The following FARP1 variants were observed in gnomAD, a reference collection of about 807,000 sequenced individuals.
FARP1 encodes the protein FERM, ARH/RhoGEF and pleckstrin domain protein 1, also known as FERM, ARHGEF and pleckstrin domain-containing protein 1.
A neutral mutation model predicts 128.8 loss-of-function variants in FARP1; 52 were observed. The ratio of observed to expected loss-of-function variants is 0.40; its 90% CI spans 0.32 to 0.51. The LOEUF is 0.51. Ranked by LOEUF, FARP1 falls within the 20% of genes least tolerant of loss-of-function variation. The pLI, the probability that FARP1 is intolerant of heterozygous loss-of-function variation, is 0.45. For missense variants in FARP1, 1,333 were observed against 1,367.9 expected (o/e 0.97, Z 0.40); for synonymous variants, 580 against 551.8 (o/e 1.05, Z -0.72).
At chr13:98,170,951 AT>A (rs78589334) in intron 1 of FARP1, among the ~76,000 whole-genome samples, 13,773 of 152,060 alleles carry the variant, frequency 0.091, 803 homozygotes, top group African/African-American at 0.15. Context: ...TCAATTGTTG[AT>A]TTTTCTTTAA....
At chr13:98,267,920 C>T (rs1387576119) in intron 2 of FARP1, among the ~76,000 whole-genome samples, 1 of 148,298 alleles carries the variant, frequency 6.7e-6, no homozygotes, top group Non-Finnish European at 1.5e-5. Flanking sequence ...AGCTTCAAGG[C>T]CAGACACGGA....
At chr13:98,197,784 G>A (rs1879664706) in intron 1 of FARP1, among the ~76,000 whole-genome samples, 2 of 151,710 alleles carry the variant, frequency 1.3e-5, no homozygotes, top group South Asian at 2.1e-4. Flanking sequence ...ACAGGCACCC[G>A]CCACCACGCC....
In FARP1 at chr13:98,389,978, G is replaced by C. The variant is rs2140054481; in HGVS notation, c.877G>C (p.Glu293Gln). Reference protein sequence around the residue: ...DANSAYQDTLEFLMASRDFCK... With the variant: ...DANSAYQDTLQFLMASRDFCK... ...TTAGAGTGCGTACCAGGATACCTTG[G>C]AATTCCTGATGGCCAGTCGGGATTT... is the stretch of plus-strand genomic sequence containing the variant. The change falls in exon 10 of 27, where the codon GAA (glutamate) becomes CAA (glutamine). Residue 293 changes from glutamate (E) to glutamine (Q), a missense_variant. Physicochemically the swap from Glu to Gln is conservative, Grantham distance 29 (BLOSUM62 2). Around this residue, in one of 2 missense-constraint regions of FARP1, gnomAD observed 324 missense variants for 398.1 expected, o/e 0.81. Coordinates refer to ENST00000319562, the MANE Select transcript of FARP1 (RefSeq NM_005766.4). 1 of 1,614,126 alleles carries C rather than the reference G, an allele frequency of 6.2e-7. No homozygotes were observed. Among genetic ancestry groups the C allele is most frequent in the Non-Finnish European group, 8.5e-7 (1 of 1,180,038 alleles).
At position 98,366,552 on chromosome 13, in the gene FARP1, G is replaced by T. The variant is rs907458585; in HGVS notation, c.319+1115G>T. Among the ~76,000 whole-genome samples the T allele has an allele frequency of 2.0e-5, 3 of 152,192 alleles. No homozygotes were observed. In the South Asian group the frequency reaches 6.2e-4, roughly 32 times the overall value. On this transcript the variant is annotated intron_variant, in intron 4 of 26. Transcript: ENST00000319562. ...CTAACAGTGGCAAGGTATATCTTTG[G>T]CGCAGACCTGAAGACAGAGTTGACT...
intron 2 of FARP1, among the ~76,000 whole-genome samples, chr13:98,220,115 G>A (rs972005005): frequency 1.4e-4 from 21 of 151,970 alleles, no homozygotes; most frequent in African/African-American, 5.1e-4. Flanking sequence ...GAGGGGGCGG[G>A]GTCTATCTCT....
chr13:98,176,634 C>T lies in FARP1; in HGVS notation c.-24+33142C>T. ...TGTCCCCGAAGCCACAGAAGCCAGT[C>T]TCCTTGTAGTCCTTGCAGATGTCAG... On this transcript the variant is annotated intron_variant, in intron 1 of 26. Transcript: ENST00000319562. This position sits in a 1 kb window ranked among gnomAD's most constrained non-coding sequence, Gnocchi z 6.2. The T allele has an allele frequency of 1.2e-6, 2 of 1,614,244 alleles. No homozygotes were observed. Among genetic ancestry groups the T allele is most frequent in the Non-Finnish European group, 1.7e-6 (2 of 1,180,050 alleles).
chr13:98,218,931 G>A (rs1313099384), intron 2 of FARP1, among the ~76,000 whole-genome samples: 1 of 152,176 alleles, frequency 6.6e-6, no homozygotes, highest in Non-Finnish European at 1.5e-5. Flanking sequence ...AGACCACGTA[G>A]GTTCTTTTCT....
At chr13:98,321,581 T>A (rs560307554) in intron 2 of FARP1, among the ~76,000 whole-genome samples, 1 of 152,312 alleles carries the variant, frequency 6.6e-6, no homozygotes, top group South Asian at 2.1e-4. Flanking sequence ...GATGACCTGA[T>A]GCCATTGCAG....
intron 17 of FARP1, among the ~76,000 whole-genome samples, chr13:98,427,958 G>A (rs1360616303): frequency 6.6e-6 from 1 of 152,118 alleles, no homozygotes; most frequent in Non-Finnish European, 1.5e-5. Context: ...AAGCATGGAG[G>A]GGCACAGCAG....
chr13:98,357,028 A>G (rs1888673081), intron 3 of FARP1, among the ~76,000 whole-genome samples: 1 of 152,078 alleles, frequency 6.6e-6, no homozygotes. Context: ...TTAAATTATT[A>G]TTTTTTAGTA....
rs374655321 is a variant in FARP1 at position 98,304,220 on chromosome 13, A to AT, written c.172-39541dup. Among the ~76,000 whole-genome samples the AT allele has an allele frequency of 4.5e-3, 690 of 152,210 alleles. 5 individuals carry two copies. Among genetic ancestry groups the AT allele is most frequent in the African/African-American group, 0.015 (640 of 41,554 alleles). ...GGGTCTGCTGCTCTGCCAGACCTGCATATGGAAGCCAGTGAAATTACTGGG... is the reference window on the plus strand; with the variant it reads ...GGGTCTGCTGCTCTGCCAGACCTGCATTATGGAAGCCAGTGAAATTACTGGG... On this transcript the variant is annotated intron_variant, in intron 2 of 26. Coordinates refer to ENST00000319562, the MANE Select transcript of FARP1 (RefSeq NM_005766.4).
chr13:98,180,169 G>A (rs1878405188), intron 1 of FARP1, among the ~76,000 whole-genome samples: 1 of 152,154 alleles, frequency 6.6e-6, no homozygotes, highest in South Asian at 2.1e-4. Flanking sequence ...GGCTGTACAA[G>A]CAGCATGGCG....
intron 1 of FARP1, among the ~76,000 whole-genome samples, chr13:98,153,299 T>TATTTATATATAAAATATATATAA (rs1382783207): frequency 1.8e-5 from 1 of 56,152 alleles, no homozygotes; most frequent in African/African-American, 5.6e-5. Flanking sequence ...TATATATAAA[T>TATTTATATATAAAATATATATAA]ATATTTATAT....
At chr13:98,441,806 G>A (rs540988515) in intron 24 of FARP1, among the ~76,000 whole-genome samples, 1 of 152,208 alleles carries the variant, frequency 6.6e-6, no homozygotes, top group African/African-American at 2.4e-5. Context: ...CGAGGCAGGA[G>A]GTGGGCAGGG....
At chr13:98,308,869 G>T (rs1886311818) in intron 2 of FARP1, among the ~76,000 whole-genome samples, 1 of 151,882 alleles carries the variant, frequency 6.6e-6, no homozygotes, top group African/African-American at 2.4e-5. Context: ...ACAAAAACGG[G>T]GTTTCACCAC....
intron 13 of FARP1, chr13:98,405,559 T>C (rs1275892618): frequency 6.6e-6 from 1 of 152,172 alleles, no homozygotes; most frequent in African/African-American, 2.4e-5. Flanking sequence ...GTGAAGGATT[T>C]GAGAGCTACT....
intron 17 of FARP1, among the ~76,000 whole-genome samples, chr13:98,426,324 T>C (rs1170835257): frequency 6.6e-6 from 1 of 151,964 alleles, no homozygotes; most frequent in Non-Finnish European, 1.5e-5. Context: ...CTTGTCTCTA[T>C]GAAAAATAAA....
chr13:98,389,998 G>A lies in FARP1; in HGVS notation c.897G>A (p.Arg299=). 1 of 1,614,182 alleles carries A rather than the reference G, an allele frequency of 6.2e-7. No individual in the cohort carries two copies. The highest frequency in any genetic ancestry group is 8.5e-7 in the Non-Finnish European group (1 of 1,180,034). The part of the protein sequence containing the change: ...QDTLEFLMAS[R]DFCKSFWKIC... ...CCTTGGAATTCCTGATGGCCAGTCG[G>A]GATTTCTGCAAGTCCTTCTGGAAAA... is the stretch of plus-strand genomic sequence containing the variant. The change falls in exon 10 of 27, where the codon CGG becomes CGA. Residue 299 remains arginine (R), a synonymous_variant. Coordinates refer to ENST00000319562, the MANE Select transcript of FARP1 (RefSeq NM_005766.4).
At position 98,343,772 on chromosome 13, in the gene FARP1, C is replaced by A. The variant is rs148906137; in HGVS notation, c.182C>A (p.Pro61His). The A allele has an allele frequency of 6.2e-7, 1 of 1,613,754 alleles. No individual in the cohort carries two copies. The highest frequency in any genetic ancestry group is 2.2e-5 in the East Asian group (1 of 44,876). ...QEAFEVPQRA[P>H]GKVLLDAVCN... ...TGTTTCTGCTCACAGCAAAGAGCTC[C>A]TGGGAAGGTGCTGCTGGATGCAGTT... Residue 61 changes from proline (P) to histidine (H), a missense_variant, in exon 3 of 27, where the codon CCT becomes CAT. Physicochemically the swap from Pro to His is moderately conservative, Grantham distance 77 (BLOSUM62 -2). Coordinates refer to ENST00000319562, the MANE Select transcript of FARP1 (RefSeq NM_005766.4).
Sources: allele counts gnomAD v4.1 joint callset (sites outside exome capture counted in the v4.1 genomes callset), GRCh38; gene constraint gnomAD v4.1.1; regional missense constraint gnomAD v4.1.1; non-coding constraint Gnocchi (gnomAD v3.1); transcripts MANE v1.5; gene names NCBI Gene and HGNC (gene_info 2026-07-23, HGNC 2026-07-21).